IMMP2L: variants seen among roughly 807,000 people sequenced by gnomAD.
The protein encoded by IMMP2L is mitochondrial inner membrane protease subunit 2.
In IMMP2L, 18 loss-of-function variants were observed where a neutral mutation model predicts 19.3. That is an observed-to-expected ratio of 0.93 (90% confidence interval 0.64 to 1.38). The LOEUF (loss-of-function observed/expected upper bound fraction) is 1.38. Among genes scored for constraint, IMMP2L ranks in the 40% most tolerant of loss-of-function variants. IMMP2L has a pLI of 0.00. For synonymous variants in IMMP2L, 76 were observed against 73.0 expected (o/e 1.04, Z -0.21); for missense variants, 233 against 218.2 (o/e 1.07, Z -0.43).
intron 3 of IMMP2L, among the ~76,000 whole-genome samples, chr7:111,174,421 C>T (rs1405995876): frequency 1.3e-5 from 2 of 151,598 alleles, no homozygotes; most frequent in African/African-American, 2.4e-5. Context: ...TATTTACACG[C>T]CTTCTGCCTA....
intron 2 of IMMP2L, among the ~76,000 whole-genome samples, chr7:111,513,081 A>C (rs192370187): frequency 6.6e-6 from 1 of 152,258 alleles, no homozygotes; most frequent in East Asian, 1.9e-4. Context: ...ATACGACCCC[A>C]AAAGCACAAG....
intron 3 of IMMP2L, among the ~76,000 whole-genome samples, chr7:111,079,672 T>C (rs1430347142): frequency 1.3e-5 from 2 of 152,202 alleles, no homozygotes; most frequent in African/African-American, 4.8e-5. Flanking sequence ...TGATTATACA[T>C]ATATACTGAT....
chr7:111,547,881 C>T (rs1403458703), intron 1 of IMMP2L, among the ~76,000 whole-genome samples: 1 of 152,022 alleles, frequency 6.6e-6, no homozygotes, highest in Non-Finnish European at 1.5e-5. Context: ...CCACCACGTC[C>T]AGCTAATTTT....
intron 3 of IMMP2L, among the ~76,000 whole-genome samples, chr7:111,229,596 G>C (rs2129623657): frequency 6.6e-6 from 1 of 152,146 alleles, no homozygotes; most frequent in South Asian, 2.1e-4. Context: ...TGGTTTAAGT[G>C]ATTGTGTGGT....
chr7:111,286,119 G>A (rs1468996395), intron 3 of IMMP2L, among the ~76,000 whole-genome samples: 1 of 152,044 alleles, frequency 6.6e-6, no homozygotes, highest in Non-Finnish European at 1.5e-5. Flanking sequence ...TATTGAGAAG[G>A]CACACATAAA....
At chr7:110,808,226 T>C (rs771440223) in intron 5 of IMMP2L, among the ~76,000 whole-genome samples, 83 of 152,130 alleles carry the variant, frequency 5.5e-4, no homozygotes, top group Non-Finnish European at 1.1e-3. Context: ...TGCATTCTGT[T>C]AAGGATAATT....
Position 110,992,351 on chromosome 7 carries a change from A to G in IMMP2L, c.240-28786T>C, listed in dbSNP as rs116473618. ...TTATTTAACATTAAATAACATGCTA[A>G]ATAACTAGATTTGCATAACATAACT... is the stretch of plus-strand genomic sequence containing the variant. On this transcript the variant is annotated intron_variant, in intron 3 of 5. Coordinates refer to ENST00000405709, the MANE Select transcript of IMMP2L (RefSeq NM_032549.4). Among the ~76,000 whole-genome samples the G allele has an allele frequency of 4.0e-3, 606 of 152,154 alleles. 4 individuals carry two copies. The highest frequency in any genetic ancestry group is 0.014 in the African/African-American group (585 of 41,538).
At chr7:111,482,284 A>G (rs1024258393) in intron 3 of IMMP2L, among the ~76,000 whole-genome samples, 3 of 152,122 alleles carry the variant, frequency 2.0e-5, no homozygotes, top group Non-Finnish European at 4.4e-5. Context: ...AAAAATTACT[A>G]TCTCCAGATA....
chr7:111,332,317 T>C (rs1825960148), intron 3 of IMMP2L, among the ~76,000 whole-genome samples: 1 of 151,894 alleles, frequency 6.6e-6, no homozygotes, highest in South Asian at 2.1e-4. Flanking sequence ...ATATTTATAA[T>C]ATGACAAAAT....
rs78230992 is a variant in IMMP2L at position 111,454,451 on chromosome 7, C to T, written c.239+32787G>A. Among the ~76,000 whole-genome samples, 1,089 of 152,050 alleles carry T rather than the reference C, an allele frequency of 7.2e-3. 16 individuals are homozygous for T. Among genetic ancestry groups the T allele is most frequent in the African/African-American group, 0.025 (1,043 of 41,504 alleles). On this transcript the variant is annotated intron_variant, in intron 3 of 5. Coordinates refer to ENST00000405709, the MANE Select transcript of IMMP2L (RefSeq NM_032549.4). ...AATTTTCCATTTCTCCATATTTAAG[C>T]GATTAACCCCATTAAAAAATGGGAA... is the stretch of plus-strand genomic sequence containing the variant.
At chr7:111,474,088 G>C (rs1841508772) in intron 3 of IMMP2L, among the ~76,000 whole-genome samples, 1 of 152,076 alleles carries the variant, frequency 6.6e-6, no homozygotes, top group African/African-American at 2.4e-5. Flanking sequence ...ACCAAATATT[G>C]CAAGTACTCA....
At chr7:111,045,545 C>A (rs553509441) in intron 3 of IMMP2L, among the ~76,000 whole-genome samples, 1 of 152,294 alleles carries the variant, frequency 6.6e-6, no homozygotes, top group African/African-American at 2.4e-5. Flanking sequence ...TATTTGTGAT[C>A]CAGACCTTGA....
chr7:111,450,343 G>T (rs1244837083), intron 3 of IMMP2L, among the ~76,000 whole-genome samples: 1 of 151,872 alleles, frequency 6.6e-6, no homozygotes, highest in African/African-American at 2.4e-5. Flanking sequence ...AAACAGCATG[G>T]TACTGGTACC....
At position 111,439,734 on chromosome 7, in the gene IMMP2L, T is replaced by C. The variant is rs575640801; in HGVS notation, c.239+47504A>G. ...GTGGCAATTTCTTAAAACAAGACAA[T>C]GAAGCTTGCTGCATCAATTGGCTCT... is the stretch of plus-strand genomic sequence containing the variant. On this transcript the variant is annotated intron_variant, in intron 3 of 5. Transcript: ENST00000405709. Among the ~76,000 whole-genome samples the C allele has an allele frequency of 8.0e-4, 122 of 152,030 alleles. 5 individuals are homozygous for C. The highest frequency in any genetic ancestry group is 2.9e-3 in the African/African-American group (118 of 41,300).
chr7:111,445,177 T>C lies in IMMP2L; in HGVS notation c.239+42061A>G, dbSNP rs148818994. Among the ~76,000 whole-genome samples the C allele has an allele frequency of 2.3e-3, 356 of 151,954 alleles. 2 individuals carry two copies. Among genetic ancestry groups the C allele is most frequent in the African/African-American group, 8.4e-3 (348 of 41,430 alleles). On this transcript the variant is annotated intron_variant, in intron 3 of 5. Coordinates refer to ENST00000405709, the MANE Select transcript of IMMP2L (RefSeq NM_032549.4). ...TCACAATTATCCTTCTCTAGATTTA[T>C]AGGGAAAAAAAAGTCGTGCTCTTAC...
At chr7:111,444,026 A>T (rs952701844) in intron 3 of IMMP2L, among the ~76,000 whole-genome samples, 2 of 152,182 alleles carry the variant, frequency 1.3e-5, no homozygotes, top group Admixed American at 1.3e-4. Context: ...ATATCACAAA[A>T]TATTAAAAGT....
At chr7:110,690,940 C>T (rs1250225162) in intron 5 of IMMP2L, among the ~76,000 whole-genome samples, 2 of 151,970 alleles carry the variant, frequency 1.3e-5, no homozygotes, top group Non-Finnish European at 2.9e-5. Context: ...AAAATACCAA[C>T]ATCATTTTTC....
chr7:110,671,601 A>G (rs1791924824), intron 5 of IMMP2L, among the ~76,000 whole-genome samples: 1 of 152,100 alleles, frequency 6.6e-6, no homozygotes, highest in Admixed American at 6.6e-5. Flanking sequence ...TTATTTTGGC[A>G]TCTGGTAGAC....
Position 111,181,100 on chromosome 7 carries a change from T to C in IMMP2L, c.240-217535A>G, listed in dbSNP as rs1208279671. ...AGGCCTATTTAAATATAATTAGGAG[T>C]CTACATTACCTGATGTTCTTATTAC... On this transcript the variant is annotated intron_variant, in intron 3 of 5. Coordinates refer to ENST00000405709, the MANE Select transcript of IMMP2L (RefSeq NM_032549.4). 3.9e-5 allele frequency among the ~76,000 whole-genome samples: 6 copies of C among 152,054 alleles called. No homozygotes were observed. The East Asian group carries it at 7.7e-4, about 20-fold the overall frequency.
Sources: gnomAD v4.1 joint callset for allele counts (sites outside exome capture counted in the v4.1 genomes callset) on GRCh38, gnomAD v4.1.1 for gene constraint, MANE v1.5 for transcripts, NCBI Gene and HGNC (gene_info 2026-07-23, HGNC 2026-07-21) for gene names.